Variants in MFGE8 observed in about 807,000 individuals in gnomAD.
The protein encoded by MFGE8 is lactadherin.
MFGE8 carries 34 observed loss-of-function variants against 42.6 expected under a neutral mutation model. The observed-to-expected ratio is 0.80, with a 90% CI of 0.61 to 1.06. The LOEUF (loss-of-function observed/expected upper bound fraction) is 1.06. Ranked by LOEUF, MFGE8 falls within the 50% of genes least tolerant of loss-of-function variation. The probability of loss-of-function intolerance (pLI) is 0.00; values close to 1 mark genes in which losing one functional copy is unlikely to be tolerated. For synonymous variants in MFGE8, 230 were observed against 214.8 expected, an observed-to-expected ratio of 1.07 and a Z score of -0.62; for missense variants, 510 against 516.9, an observed-to-expected ratio of 0.99 and a Z score of 0.13.
In MFGE8 at chr15:88,913,297, GC is replaced by G; in HGVS notation, c.22del (p.Ala8ProfsTer86). The G allele has an allele frequency of 6.8e-7, 1 of 1,473,370 alleles. No homozygotes were observed. Among genetic ancestry groups the G allele is most frequent in the Non-Finnish European group, 8.9e-7 (1 of 1,121,758 alleles). 91.3% of individuals were successfully genotyped at this position (1,473,370 alleles called of 1,614,324 possible). A position where few individuals can be genotyped will look rare whatever the true frequency, so the allele number is the denominator to read the frequency against. The stretch of plus-strand genomic sequence containing the variant: ...GCAGAGCAGCGCGCCGCACAGCGCG[GC>G]CAGCAGGCGGGGGCGCGGCATGCTG... The part of the protein sequence containing the change: MPRPRLL[A>X]ALCGALLCAP... On this transcript the variant is annotated frameshift_variant, in exon 1 of 8. Transcript: ENST00000268150. LOFTEE classifies it high-confidence loss of function.
chr15:88,902,367 C>T lies in MFGE8; in HGVS notation c.686-632G>A, dbSNP rs8025462. On this transcript the variant is annotated intron_variant, in intron 5 of 7. Coordinates refer to ENST00000268150, the MANE Select transcript of MFGE8 (RefSeq NM_005928.4). The surrounding 1 kb of genome is among the most constrained non-coding windows in gnomAD (Gnocchi z 4.3). ...ACAAACTCCTAATGTCACACTATGA[C>T]GTCACCTCTACCAGCTACACATCCC... 0.26 allele frequency: 40,420 copies of T among 153,596 alleles called. 5,855 individuals are homozygous for T. The highest frequency in any genetic ancestry group is 0.35 in the African/African-American group (14,514 of 41,480). 9.5% of individuals were successfully genotyped at this position (153,596 alleles called of 1,614,324 possible).
At position 88,901,728 on chromosome 15, in the gene MFGE8, G is replaced by GTGT; in HGVS notation, c.692_693insACA (p.Ala231_Asn232insHis). On this transcript the variant is annotated inframe_insertion, in exon 6 of 8. Coordinates refer to ENST00000268150, the MANE Select transcript of MFGE8 (RefSeq NM_005928.4). ...TGTTATTCTTCAGGCCCAGGGGATT[G>GTGT]GCGCATCCTGCCAGCAAGGTGGGCT... The GTGT allele has an allele frequency of 6.2e-7, 1 of 1,613,990 alleles. No individual in the cohort carries two copies. The highest frequency in any genetic ancestry group is 8.5e-7 in the Non-Finnish European group (1 of 1,179,976).
intron 1 of MFGE8, chr15:88,912,460 A>G: frequency 1.0e-6 from 1 of 985,366 alleles, no homozygotes; most frequent in Non-Finnish European, 1.2e-6. Context: ...CTATGAGAAA[A>G]TGATGGAGGG....
rs1224635922 is a variant in MFGE8, at chr15:88,911,335, G to T, written c.74-1412C>A. ...CCCTTGACTCTGGTGGGTCGGCCGG[G>T]CCCAACAGGAGTCCTCTAGCCGACA... On this transcript the variant is annotated intron_variant, in intron 1 of 7. Coordinates refer to ENST00000268150, the MANE Select transcript of MFGE8 (RefSeq NM_005928.4). Among the ~76,000 whole-genome samples, 9 of 152,296 alleles carry T rather than the reference G, an allele frequency of 5.9e-5. 3 individuals are homozygous for T. Among genetic ancestry groups the T allele is most frequent in the Admixed American group, 5.9e-4 (9 of 15,282 alleles).
chr15:88,901,631 G>C lies in MFGE8; in HGVS notation c.790C>G (p.Pro264Ala). The C allele has an allele frequency of 6.2e-7, 1 of 1,613,892 alleles. No homozygotes were observed. The highest frequency in any genetic ancestry group is 2.2e-5 in the East Asian group (1 of 44,858). Residue 264 changes from proline (P) to alanine (A), a missense_variant, in exon 6 of 8, where the codon CCC (proline) becomes GCC (alanine). Transcript: ENST00000268150. Reference sequence around the variant, plus strand: ...TGCTTGTCCAGCCGTGCATAGGAGGGGTTCCAGCTGAAGAGATGCAAGCCC... The same window carrying C: ...TGCTTGTCCAGCCGTGCATAGGAGGCGTTCCAGCTGAAGAGATGCAAGCCC... ...TWGLHLFSWNPSYARLDKQGN... is the reference protein window; with the variant it reads ...TWGLHLFSWNASYARLDKQGN...
In MFGE8 at chr15:88,901,534, C is replaced by CCAACCA; in HGVS notation, c.870+16_870+17insTGGTTG. ...CCCACCCAACCCCAGCCCCATATCC[C>CCAACCA]AAGAAGGCTGACCCACCTGCAGCCA... is the stretch of plus-strand genomic sequence containing the variant. On this transcript the variant is annotated intron_variant, in intron 6 of 7. Coordinates refer to ENST00000268150, the MANE Select transcript of MFGE8 (RefSeq NM_005928.4). The CCAACCA allele has an allele frequency of 6.2e-7, 1 of 1,605,214 alleles. No homozygotes were observed. Among genetic ancestry groups the CCAACCA allele is most frequent in the South Asian group, 1.1e-5 (1 of 90,856 alleles).
At chr15:88,901,910 G>A in intron 5 of MFGE8, 175 bp from the exon 6 acceptor site, 1 of 663,174 alleles carries the variant, frequency 1.5e-6, no homozygotes. Context: ...CCTTCTCACT[G>A]CCGACCCCAC....
intron 2 of MFGE8, 131 bp downstream of exon 2, chr15:88,909,661 G>A (rs1037259343): frequency 2.3e-6 from 3 of 1,331,272 alleles, no homozygotes; most frequent in African/African-American, 1.4e-5. Context: ...TCTCCCCAGA[G>A]GAGGCCTTGA....
At position 88,909,876 on chromosome 15, in the gene MFGE8, TCTC is replaced by T. The variant is rs1898876601; in HGVS notation, c.118_120del (p.Glu40del). On this transcript the variant is annotated inframe_deletion, in exon 2 of 8. Transcript: ENST00000268150. Reference sequence around the variant, plus strand: ...ACATCTCCTCGCACTTCTTGGGAAATCTCCTCGCATAAACCACCGTTGTGGCAG... The same window carrying T: ...ACATCTCCTCGCACTTCTTGGGAAATCTCGCATAAACCACCGTTGTGGCAG... 6 of 1,614,048 alleles carry T rather than the reference TCTC, an allele frequency of 3.7e-6. No individual in the cohort carries two copies. The highest frequency in any genetic ancestry group is 3.3e-5 in the Admixed American group (2 of 60,002).
At chr15:88,900,606 G>C (rs1898315900) in intron 6 of MFGE8, 1 of 613,320 alleles carries the variant, frequency 1.6e-6, no homozygotes, top group African/African-American at 2.0e-5. Context: ...GAACCTGCCA[G>C]CTGCACCTGG....
At chr15:88,912,634 G>A in intron 1 of MFGE8, 1 of 985,374 alleles carries the variant, frequency 1.0e-6, no homozygotes, top group Non-Finnish European at 1.2e-6. Flanking sequence ...GGCCGCGGGA[G>A]GGAGGGAGTC....
chr15:88,910,404 T>G (rs1356801360), intron 1 of MFGE8: 2 of 249,620 alleles, frequency 8.0e-6, no homozygotes, highest in Non-Finnish European at 1.6e-5. Flanking sequence ...GTCACAGATG[T>G]CACCTCCAAT....
intron 1 of MFGE8, chr15:88,910,414 T>C (rs1416503883): frequency 4.1e-6 from 1 of 244,218 alleles, no homozygotes. Flanking sequence ...TCACCTCCAA[T>C]GGCAGCCCTG....
chr15:88,906,488 G>C lies in MFGE8; in HGVS notation c.540+138C>G. 1 of 980,004 alleles carries C rather than the reference G, an allele frequency of 1.0e-6. No homozygotes were observed. The highest frequency in any genetic ancestry group is 1.6e-6 in the Non-Finnish European group (1 of 614,878). 60.7% of individuals were successfully genotyped at this position (980,004 alleles called of 1,614,324 possible). Reference sequence around the variant, plus strand: ...CACAGTCTGGGTTTCCCAATTTCTAGAAGCCAAGATGCACCCGAAGACCCA... The same window carrying C: ...CACAGTCTGGGTTTCCCAATTTCTACAAGCCAAGATGCACCCGAAGACCCA... On this transcript the variant is annotated intron_variant, in intron 4 of 7. Transcript: ENST00000268150. The surrounding 1 kb of genome is among the most constrained non-coding windows in gnomAD (Gnocchi z 4.2).
At position 88,899,731 on chromosome 15, in the gene MFGE8, T is replaced by C; in HGVS notation, c.951A>G (p.Ala317=). Residue 317 remains alanine, a synonymous_variant, in exon 7 of 8, where the codon GCA becomes GCG. Coordinates refer to ENST00000268150, the MANE Select transcript of MFGE8 (RefSeq NM_005928.4). This position sits in a 1 kb window ranked among gnomAD's most constrained non-coding sequence, Gnocchi z 6.8. ...ARNFGSVQFV[A]SYKVAYSNDS... ...CATTACTGTAGGCAACCTTGTAGGATGCCACAAACTGGACAGAGCCAAAGT... is the reference window on the plus strand; with the variant it reads ...CATTACTGTAGGCAACCTTGTAGGACGCCACAAACTGGACAGAGCCAAAGT... 1.9e-6 allele frequency: 3 copies of C among 1,614,194 alleles called. No homozygotes were observed. Among genetic ancestry groups the C allele is most frequent in the Non-Finnish European group, 2.5e-6 (3 of 1,180,038 alleles).
At chr15:88,907,006 C>T (rs1596198234) in intron 3 of MFGE8, among the ~76,000 whole-genome samples, 189 bp downstream of exon 3, 1 of 152,336 alleles carries the variant, frequency 6.6e-6, no homozygotes, top group Admixed American at 6.5e-5. Flanking sequence ...GGCCTCCTCC[C>T]CCCTCACCTT....
intron 5 of MFGE8, chr15:88,904,055 C>T (rs1376525579): frequency 6.6e-6 from 1 of 152,258 alleles, no homozygotes; most frequent in Non-Finnish European, 1.5e-5. Context: ...CCTTGTCTTG[C>T]TCTCTCCCCT....
rs1898626384 is a variant in MFGE8, at chr15:88,905,495, A to G, written c.685+262T>C. 3.1e-6 allele frequency: 2 copies of G among 640,280 alleles called. No homozygotes were observed. The highest frequency in any genetic ancestry group is 5.8e-6 in the Non-Finnish European group (2 of 346,038). The allele number at this position is 640,280 out of a possible 1,614,324, so 39.7% of individuals were successfully genotyped here. ...AGCTACAGGAGAGGAGCCAACCAGA[A>G]GAAGGGAAAATACTTTGAAAACTGA... On this transcript the variant is annotated intron_variant, in intron 5 of 7. Coordinates refer to ENST00000268150, the MANE Select transcript of MFGE8 (RefSeq NM_005928.4). This position sits in a 1 kb window ranked among gnomAD's most constrained non-coding sequence, Gnocchi z 6.6.
intron 1 of MFGE8, 183 bp downstream of exon 1, chr15:88,913,064 C>G: frequency 1.0e-6 from 1 of 985,350 alleles, no homozygotes; most frequent in Non-Finnish European, 1.2e-6. Context: ...AGCGCAGAGA[C>G]AGCAGGGCCG....
Sources: allele counts gnomAD v4.1 joint callset (sites outside exome capture counted in the v4.1 genomes callset), GRCh38; gene constraint gnomAD v4.1.1; non-coding constraint Gnocchi (gnomAD v3.1); transcripts MANE v1.5; gene names NCBI Gene and HGNC (gene_info 2026-07-23, HGNC 2026-07-21).